The following KCNT2 variants were observed in gnomAD, a reference collection of about 807,000 sequenced individuals.
KCNT2 encodes the protein potassium sodium-activated channel subfamily T member 2.
Under a neutral mutation model 153.8 loss-of-function variants are expected in KCNT2, and 67 were observed. The ratio of observed to expected loss-of-function variants is 0.44; its 90% confidence interval spans 0.36 to 0.53. KCNT2 has a LOEUF of 0.53. Ranked by LOEUF, KCNT2 falls within the 20% of genes least tolerant of loss-of-function variation. KCNT2 has a pLI of 0.00. For synonymous variants in KCNT2, 500 were observed against 458.8 expected, an observed-to-expected ratio of 1.09 and a Z score of -1.15; for missense variants, 975 against 1,354.8, an observed-to-expected ratio of 0.72 and a Z score of 4.40.
chr1:196,233,653 G>A (rs1654154657), intron 27 of KCNT2, among the ~76,000 whole-genome samples: 1 of 151,298 alleles, frequency 6.6e-6, no homozygotes, highest in South Asian at 2.1e-4. Context: ...ATATTTGAAT[G>A]GATGGATGAA....
At chr1:196,600,644 C>T (rs1264256381) in intron 1 of KCNT2, among the ~76,000 whole-genome samples, 1 of 72,164 alleles carries the variant, frequency 1.4e-5, no homozygotes, top group Admixed American at 1.8e-4. Flanking sequence ...GATATCCATA[C>T]TTGATATGGA....
intron 7 of KCNT2, among the ~76,000 whole-genome samples, chr1:196,465,969 C>T (rs1261510793): frequency 6.6e-6 from 1 of 152,016 alleles, no homozygotes; most frequent in African/African-American, 2.4e-5. Flanking sequence ...TTAACCAGAA[C>T]TGTTATGAAG....
chr1:196,584,668 T>C (rs552186755), intron 1 of KCNT2, among the ~76,000 whole-genome samples: 1 of 152,084 alleles, frequency 6.6e-6, no homozygotes, highest in South Asian at 2.1e-4. Flanking sequence ...AGAAATAATG[T>C]TGTCAAGAGA....
rs116085166 is a variant in KCNT2, at chr1:196,338,531, C to G, written c.1783+1810G>C. 7.6e-3 allele frequency among the ~76,000 whole-genome samples: 1,156 copies of G among 152,086 alleles called. 7 individuals are homozygous for G. Among genetic ancestry groups the G allele is most frequent in the Middle Eastern group, 0.02 (6 of 294 alleles). On this transcript the variant is annotated intron_variant, in intron 16 of 27. Coordinates refer to ENST00000294725, the MANE Select transcript of KCNT2 (RefSeq NM_198503.5). ...CTAAGAAAACTAGGATTGCCTAATG[C>G]AAACAAGAACTTTTGGTTATCCTAT...
At chr1:196,498,584 T>A (rs149988984) in intron 1 of KCNT2, among the ~76,000 whole-genome samples, 1 of 152,204 alleles carries the variant, frequency 6.6e-6, no homozygotes, top group African/African-American at 2.4e-5. Context: ...CTCTATTTAT[T>A]TGATGTTCAT....
intron 22 of KCNT2, among the ~76,000 whole-genome samples, chr1:196,286,496 A>G (rs1160971840): frequency 1.3e-5 from 2 of 151,960 alleles, no homozygotes; most frequent in Non-Finnish European, 2.9e-5. Context: ...AGTAGCCCTA[A>G]CAGACTAAAA....
At chr1:196,258,108 T>C (rs763293516) in intron 26 of KCNT2, 86 bp downstream of exon 26, 2 of 1,501,012 alleles carry the variant, frequency 1.3e-6, no homozygotes, top group Non-Finnish European at 1.8e-6. Flanking sequence ...AAAAATTCAA[T>C]TCTTTATTAA....
chr1:196,491,137 C>T (rs1222176910), intron 2 of KCNT2, among the ~76,000 whole-genome samples: 4 of 152,000 alleles, frequency 2.6e-5, no homozygotes, highest in Non-Finnish European at 5.9e-5. Context: ...GTGAAGTATT[C>T]AAACAATGCA....
intron 8 of KCNT2, among the ~76,000 whole-genome samples, chr1:196,464,653 A>G (rs1290104965): frequency 6.6e-6 from 1 of 151,908 alleles, no homozygotes; most frequent in African/African-American, 2.4e-5. Context: ...TTTGATGTTC[A>G]CATTTTTTCT....
chr1:196,349,143 A>C (rs867042722), intron 14 of KCNT2, among the ~76,000 whole-genome samples: 25 of 152,280 alleles, frequency 1.6e-4, no homozygotes, highest in African/African-American at 6.0e-4. Context: ...CAAATGTCTT[A>C]ATGGAAAAAA....
intron 2 of KCNT2, among the ~76,000 whole-genome samples, chr1:196,490,559 T>C (rs1017538977): frequency 1.3e-5 from 2 of 149,850 alleles, no homozygotes; most frequent in Admixed American, 1.3e-4. Flanking sequence ...GATCAATCTC[T>C]CCATTTCTCT....
intron 1 of KCNT2, among the ~76,000 whole-genome samples, chr1:196,589,286 T>C (rs982404099): frequency 2.0e-5 from 3 of 151,834 alleles, no homozygotes; most frequent in Non-Finnish European, 4.4e-5. Context: ...TGTGCACACG[T>C]GAATAGTCAA....
At chr1:196,346,339 A>G (rs909868790) in intron 14 of KCNT2, among the ~76,000 whole-genome samples, 2 of 152,112 alleles carry the variant, frequency 1.3e-5, no homozygotes, top group African/African-American at 4.8e-5. Context: ...TCTATGATGA[A>G]TGTATTGAAT....
chr1:196,471,514 T>C (rs1298314019), intron 5 of KCNT2, among the ~76,000 whole-genome samples: 1 of 152,190 alleles, frequency 6.6e-6, no homozygotes, highest in Non-Finnish European at 1.5e-5. Flanking sequence ...TCTTCCACTA[T>C]TGTATTTTCA....
At chr1:196,524,297 C>T (rs1442653006) in intron 1 of KCNT2, among the ~76,000 whole-genome samples, 1 of 152,048 alleles carries the variant, frequency 6.6e-6, no homozygotes, top group Non-Finnish European at 1.5e-5. Context: ...CAGGTTCACA[C>T]ATTCTTATTG....
At chr1:196,298,745 T>C (rs1234000879) in intron 22 of KCNT2, among the ~76,000 whole-genome samples, 1 of 149,630 alleles carries the variant, frequency 6.7e-6, no homozygotes, top group Non-Finnish European at 1.5e-5. Flanking sequence ...CTTTTTCTGC[T>C]GCCCACACCA....
At chr1:196,552,434 A>G (rs1658042122) in intron 1 of KCNT2, among the ~76,000 whole-genome samples, 1 of 151,392 alleles carries the variant, frequency 6.6e-6, no homozygotes, top group African/African-American at 2.4e-5. Flanking sequence ...ATATCCTTTA[A>G]GCATGCAGGA....
At chr1:196,571,560 G>A (rs1330717377) in intron 1 of KCNT2, among the ~76,000 whole-genome samples, 1 of 152,060 alleles carries the variant, frequency 6.6e-6, no homozygotes, top group Non-Finnish European at 1.5e-5. Flanking sequence ...TGGATTCCTG[G>A]TCATTAACCA....
chr1:196,375,365 T>G (rs1291100324), intron 13 of KCNT2, among the ~76,000 whole-genome samples: 1 of 151,898 alleles, frequency 6.6e-6, no homozygotes, highest in East Asian at 1.9e-4. Context: ...ATTTTACACA[T>G]AAACACAAAG....
Sources: gnomAD v4.1 joint callset for allele counts (sites outside exome capture counted in the v4.1 genomes callset) on GRCh38, gnomAD v4.1.1 for gene constraint, MANE v1.5 for transcripts, NCBI Gene and HGNC (gene_info 2026-07-23, HGNC 2026-07-21) for gene names.